The following OGG1 variants were observed in gnomAD, a reference collection of about 807,000 sequenced individuals.
OGG1 encodes 8-oxoguanine DNA glycosylase, also known as N-glycosylase/DNA lyase.
Under a neutral mutation model 42.3 loss-of-function variants are expected in OGG1, and 35 were observed. The observed-to-expected ratio is 0.83, with a 90% CI of 0.63 to 1.10. OGG1 has a LOEUF of 1.10. Among genes scored for constraint, OGG1 ranks in the 50% least tolerant of loss-of-function variants. OGG1 has a pLI of 0.00. For missense variants in OGG1, 484 were observed against 446.7 expected (o/e 1.08, Z -0.75); for synonymous variants, 189 against 179.0 (o/e 1.06, Z -0.44).
chr3:9,760,300 T>A (rs984948568), downstream of OGG1: 1 of 230,228 alleles, frequency 4.3e-6, no homozygotes, highest in Non-Finnish European at 8.7e-6. Flanking sequence ...GCATTCACAC[T>A]GATGATAAAC....
chr3:9,750,600 G>A (rs1190484606), intron 1 of OGG1, 177 bp downstream of exon 1: 2 of 861,646 alleles, frequency 2.3e-6, no homozygotes, highest in Non-Finnish European at 3.7e-6. Flanking sequence ...AGTGATAATT[G>A]TAAGGATCCA....
intron 2 of OGG1, among the ~76,000 whole-genome samples, chr3:9,780,973 C>CA (rs1389274514): frequency 1.1e-4 from 17 of 151,854 alleles, no homozygotes; most frequent in Non-Finnish European, 2.1e-4. Flanking sequence ...ACTGTCTCTA[C>CA]AAAAAATTTA....
downstream of OGG1, chr3:9,759,337 G>C (rs373982598): frequency 2.7e-5 from 43 of 1,563,770 alleles, no homozygotes; most frequent in African/African-American, 5.0e-4. Context: ...TTTGTTGAAT[G>C]AAAGAGTGAA....
intron 4 of OGG1, 55 bp from the exon 5 acceptor site, chr3:9,756,416 A>G (rs2077562316): frequency 1.2e-6 from 2 of 1,601,096 alleles, no homozygotes; most frequent in Non-Finnish European, 1.7e-6. Flanking sequence ...TATAAGCAAG[A>G]TGCTGGCCAC....
chr3:9,777,011 G>A (rs1012428272), intron 2 of OGG1, among the ~76,000 whole-genome samples: 1 of 152,144 alleles, frequency 6.6e-6, no homozygotes, highest in African/African-American at 2.4e-5. Flanking sequence ...TTTCCACAAA[G>A]CTCCTGCCAT....
chr3:9,750,387 G>C lies in OGG1; in HGVS notation c.101G>C (p.Arg34Pro), dbSNP rs756052627. The C allele has an allele frequency of 6.2e-7, 1 of 1,614,020 alleles. No homozygotes were observed. Among genetic ancestry groups the C allele is most frequent in the Non-Finnish European group, 8.5e-7 (1 of 1,180,028 alleles). ...ATCCCGTGCCCTCGCTCTGAGCTGC[G>C]CCTGGACCTGGTTCTGCCTTCTGGA... ...ASIPCPRSEL[R>P]LDLVLPSGQS... is the part of the protein sequence containing the mutation. The change falls in exon 1 of 7, where the codon CGC (arginine) becomes CCC (proline). Residue 34 changes from arginine (R) to proline (P), a missense_variant. Coordinates refer to ENST00000344629, the MANE Select transcript of OGG1 (RefSeq NM_002542.6).
chr3:9,762,005 G>A (rs1251497809), downstream of OGG1: 1 of 432,684 alleles, frequency 2.3e-6, no homozygotes, highest in East Asian at 4.4e-5. Flanking sequence ...CTAAAGGAAT[G>A]TTTGAATGCC....
downstream of OGG1, among the ~76,000 whole-genome samples, chr3:9,790,684 G>C (rs79788876): frequency 6.6e-6 from 1 of 152,192 alleles, no homozygotes; most frequent in Non-Finnish European, 1.5e-5. Context: ...CTTAGTGTCT[G>C]GCATTGGGCT....
At chr3:9,779,707 C>A (rs186852683) in intron 2 of OGG1, among the ~76,000 whole-genome samples, 4 of 152,154 alleles carry the variant, frequency 2.6e-5, no homozygotes, top group African/African-American at 9.7e-5. Flanking sequence ...GATTGGCTAA[C>A]CGTGAAGGCC....
chr3:9,759,964 C>T (rs960352735), downstream of OGG1: 3 of 616,270 alleles, frequency 4.9e-6, no homozygotes, highest in Non-Finnish European at 8.2e-6. Flanking sequence ...AACATATGGC[C>T]GGGCACAGTG....
intron 2 of OGG1, among the ~76,000 whole-genome samples, chr3:9,774,977 G>A (rs62245638): frequency 6.9e-6 from 1 of 144,960 alleles, no homozygotes; most frequent in Non-Finnish European, 1.5e-5. Context: ...TTTTTTTTTG[G>A]CTGGGCTCAT....
At chr3:9,759,981 G>T (rs928161913), downstream of OGG1, 47 of 531,986 alleles carry the variant, frequency 8.8e-5, no homozygotes, top group Admixed American at 1.4e-3. Context: ...AGTGGCTCAT[G>T]TCTGTAATCC....
rs899909423 is a variant in OGG1, at chr3:9,755,613, G to A, written c.747+728G>A. ...AGATTAGCTGGGATTACAGGCATGCGCCACCACACCCAGCTAATTTTTGTA... is the reference window on the plus strand; with the variant it reads ...AGATTAGCTGGGATTACAGGCATGCACCACCACACCCAGCTAATTTTTGTA... On this transcript the variant is annotated intron_variant, in intron 4 of 6. Coordinates refer to ENST00000344629, the MANE Select transcript of OGG1 (RefSeq NM_002542.6). 4.6e-5 allele frequency among the ~76,000 whole-genome samples: 7 copies of A among 151,870 alleles called. No homozygotes were observed. The East Asian group carries it at 9.7e-4, about 21-fold the overall frequency.
At chr3:9,765,072 C>G (rs1482916460) in intron 7 of OGG1, among the ~76,000 whole-genome samples, 2 of 151,504 alleles carry the variant, frequency 1.3e-5, no homozygotes, top group Non-Finnish European at 2.9e-5. Context: ...ACTAAAAATA[C>G]AAAAATTAGC....
At chr3:9,760,634 A>C (rs2077813266), downstream of OGG1, 3 of 1,612,186 alleles carry the variant, frequency 1.9e-6, no homozygotes, top group African/African-American at 1.3e-5. Flanking sequence ...GGCCCAGGGG[A>C]AAAAAGCAAA....
intron 2 of OGG1, among the ~76,000 whole-genome samples, chr3:9,774,158 C>T (rs2078335887): frequency 6.6e-6 from 1 of 152,114 alleles, no homozygotes; most frequent in Admixed American, 6.6e-5. Context: ...TCCTGAATCC[C>T]AGCACTTTGG....
rs1227053190 is a variant in OGG1, at chr3:9,757,277, C to T, written c.*127C>T. 5.6e-6 allele frequency: 9 copies of T among 1,614,036 alleles called. No homozygotes were observed. The highest frequency in any genetic ancestry group is 7.6e-6 in the Non-Finnish European group (9 of 1,180,024). On this transcript the variant is annotated 3_prime_UTR_variant, in exon 7 of 7. Coordinates refer to ENST00000344629, the MANE Select transcript of OGG1 (RefSeq NM_002542.6). This position sits in a 1 kb window ranked among gnomAD's most constrained non-coding sequence, Gnocchi z 4.5. ...CTGTGACTACCTCAAAGGCCAGGCA[C>T]CCCCAAATCAAGCAGTCAGTTTGCA...
chr3:9,776,701 A>C (rs1415733920), intron 2 of OGG1, among the ~76,000 whole-genome samples: 2 of 151,890 alleles, frequency 1.3e-5, no homozygotes, highest in African/African-American at 2.4e-5. Context: ...CAGTCTTCTT[A>C]TTGCTCTTGC....
downstream of OGG1, among the ~76,000 whole-genome samples, chr3:9,788,931 G>A (rs1011473593): frequency 6.6e-6 from 1 of 151,626 alleles, no homozygotes; most frequent in African/African-American, 2.4e-5. Flanking sequence ...CACCTCCCGG[G>A]TCCAAGAGAT....
Sources: allele counts gnomAD v4.1 joint callset (sites outside exome capture counted in the v4.1 genomes callset), GRCh38; gene constraint gnomAD v4.1.1; non-coding constraint Gnocchi (gnomAD v3.1); transcripts MANE v1.5; gene names NCBI Gene and HGNC (gene_info 2026-07-23, HGNC 2026-07-21).